The following IL1RAP variants were observed in gnomAD, a reference collection of about 807,000 sequenced individuals.
IL1RAP encodes interleukin-1 receptor accessory protein.
Under a neutral mutation model 60.7 loss-of-function variants are expected in IL1RAP, and 35 were observed. That is an observed-to-expected ratio of 0.58 (90% CI 0.44 to 0.76). The LOEUF (loss-of-function observed/expected upper bound fraction) is 0.76, where lower values mean the gene tolerates loss of function less well. Among genes scored for constraint, IL1RAP ranks in the 30% least tolerant of loss-of-function variants. IL1RAP has a pLI of 0.00. For synonymous variants in IL1RAP, 268 were observed against 250.9 expected, an observed-to-expected ratio of 1.07 and a Z score of -0.64; for missense variants, 572 against 693.9, an observed-to-expected ratio of 0.82 and a Z score of 1.97.
chr3:190,518,336 A>C (rs1487260071), intron 1 of IL1RAP, among the ~76,000 whole-genome samples: 1 of 152,182 alleles, frequency 6.6e-6, no homozygotes, highest in East Asian at 1.9e-4. Context: ...GAAAACATTT[A>C]ATAAACACTG....
chr3:190,599,480 G>A (rs549158381), intron 3 of IL1RAP, among the ~76,000 whole-genome samples: 99 of 147,608 alleles, frequency 6.7e-4, no homozygotes, highest in African/African-American at 2.3e-3. Flanking sequence ...CTAATATTTC[G>A]TAAAGTGACT....
chr3:190,605,153 T>C (rs1000522780), intron 4 of IL1RAP, among the ~76,000 whole-genome samples: 1 of 152,034 alleles, frequency 6.6e-6, no homozygotes, highest in Non-Finnish European at 1.5e-5. Flanking sequence ...CTACCAACTT[T>C]CCCCTAAGAA....
chr3:190,580,694 G>A (rs141333143), intron 3 of IL1RAP, among the ~76,000 whole-genome samples: 44 of 152,264 alleles, frequency 2.9e-4, no homozygotes, highest in African/African-American at 8.4e-4. Context: ...TTTCAGTTAC[G>A]CAAGGTAAGT....
intron 7 of IL1RAP, 120 bp downstream of exon 7, chr3:190,623,535 T>C (rs1444384119): frequency 1.3e-6 from 1 of 786,546 alleles, no homozygotes; most frequent in African/African-American, 1.7e-5. Context: ...GAATTGAAAC[T>C]GAAATGTCAG....
rs1031072042 is a variant in IL1RAP at position 190,588,454 on chromosome 3, A to G, written c.65-15674A>G. Reference sequence around the variant, plus strand: ...CCATCTTCATTATTCATTTTCCACTAGGCAGGGAATCACATGCAGCATTGG... The same window carrying G: ...CCATCTTCATTATTCATTTTCCACTGGGCAGGGAATCACATGCAGCATTGG... On this transcript the variant is annotated intron_variant, in intron 3 of 11. Coordinates refer to ENST00000447382, the MANE Select transcript of IL1RAP (RefSeq NM_002182.4). Among the ~76,000 whole-genome samples the G allele has an allele frequency of 2.6e-5, 4 of 152,278 alleles. No homozygotes were observed. In the South Asian group the frequency reaches 8.3e-4, roughly 32 times the overall value.
intron 1 of IL1RAP, among the ~76,000 whole-genome samples, chr3:190,528,269 G>A (rs1016094836): frequency 2.0e-5 from 3 of 152,038 alleles, no homozygotes; most frequent in African/African-American, 7.3e-5. Context: ...AATTCTCATT[G>A]CTTTTGGCAT....
chr3:190,608,582 GAAT>G (rs1373714139), intron 4 of IL1RAP, among the ~76,000 whole-genome samples: 1 of 152,020 alleles, frequency 6.6e-6, no homozygotes, highest in East Asian at 1.9e-4. Flanking sequence ...CCAAAAACGT[GAAT>G]AATATGTTGC....
downstream of IL1RAP, among the ~76,000 whole-genome samples, chr3:190,652,589 T>A (rs545107342): frequency 2.6e-5 from 4 of 152,270 alleles, no homozygotes; most frequent in South Asian, 8.3e-4. Flanking sequence ...AGTGTAGGCT[T>A]AGGATCAACG....
At chr3:190,537,257 AC>A (rs1316471820) in intron 1 of IL1RAP, among the ~76,000 whole-genome samples, 1 of 152,062 alleles carries the variant, frequency 6.6e-6, no homozygotes, top group African/African-American at 2.4e-5. Flanking sequence ...GAGGCAGTGA[AC>A]TTGCCCATTA....
intron 5 of IL1RAP, among the ~76,000 whole-genome samples, chr3:190,619,491 C>T (rs1731570671): frequency 6.6e-6 from 1 of 152,006 alleles, no homozygotes; most frequent in South Asian, 2.1e-4. Context: ...CTTTGGGAGG[C>T]CCAGGCAGGC....
chr3:190,578,537 G>A (rs1727698706), intron 3 of IL1RAP, among the ~76,000 whole-genome samples: 1 of 152,198 alleles, frequency 6.6e-6, no homozygotes, highest in South Asian at 2.1e-4. Flanking sequence ...GCTTGTGTTT[G>A]TGTATTTGTT....
chr3:190,654,528 A>G (rs934937670), downstream of IL1RAP, among the ~76,000 whole-genome samples: 1 of 152,208 alleles, frequency 6.6e-6, no homozygotes, highest in African/African-American at 2.4e-5. Flanking sequence ...TCCTGCTTAA[A>G]CCAATCAAAA....
At chr3:190,550,809 T>A (rs1178941999) in intron 1 of IL1RAP, among the ~76,000 whole-genome samples, 2 of 152,234 alleles carry the variant, frequency 1.3e-5, no homozygotes, top group African/African-American at 4.8e-5. Context: ...TAGAATTTAA[T>A]GACAAAGGTG....
chr3:190,638,642 T>C (rs1733413484), intron 9 of IL1RAP, among the ~76,000 whole-genome samples: 2 of 152,154 alleles, frequency 1.3e-5, no homozygotes, highest in Admixed American at 6.5e-5. Context: ...TCTTCTTTAA[T>C]GATTATTAAT....
At chr3:190,657,646 G>T (rs570118977) in exon 12 of IL1RAP, 10 of 152,324 alleles carry the variant, frequency 6.6e-5, no homozygotes, top group African/African-American at 2.2e-4. Flanking sequence ...GGCACAGATA[G>T]TTATTTCTTC....
chr3:190,555,793 A>G (rs961894807), intron 1 of IL1RAP: 11 of 152,192 alleles, frequency 7.2e-5, no homozygotes, highest in African/African-American at 2.2e-4. Context: ...TTGCTGAGTG[A>G]ATTAAAAGTA....
intron 3 of IL1RAP, among the ~76,000 whole-genome samples, chr3:190,598,516 T>C (rs1729578106): frequency 6.6e-6 from 1 of 152,114 alleles, no homozygotes; most frequent in Non-Finnish European, 1.5e-5. Context: ...CTTTCCTTTC[T>C]TCCTTTTATT....
chr3:190,581,023 C>T (rs547673287), intron 3 of IL1RAP, among the ~76,000 whole-genome samples: 1 of 152,256 alleles, frequency 6.6e-6, no homozygotes, highest in South Asian at 2.1e-4. Flanking sequence ...CAGAAGAGGT[C>T]ATTGTGAATT....
At chr3:190,566,523 G>A (rs1484492120) in intron 3 of IL1RAP, among the ~76,000 whole-genome samples, 4 of 152,120 alleles carry the variant, frequency 2.6e-5, no homozygotes, top group Non-Finnish European at 4.4e-5. Flanking sequence ...GTTGGTAAGA[G>A]AGCTTTCTAT....
Sources: allele counts gnomAD v4.1 joint callset (sites outside exome capture counted in the v4.1 genomes callset), GRCh38; gene constraint gnomAD v4.1.1; transcripts MANE v1.5; gene names NCBI Gene and HGNC (gene_info 2026-07-23, HGNC 2026-07-21).